Variants in SPON1 observed in about 807,000 individuals in gnomAD.
SPON1 encodes the protein spondin 1, also known as spondin-1.
SPON1 carries 52 observed loss-of-function variants against 111.7 expected under a neutral mutation model. The ratio of observed to expected loss-of-function variants is 0.47; its 90% CI spans 0.37 to 0.59. SPON1 has a LOEUF of 0.59. Ranked by LOEUF, SPON1 falls within the 20% of genes least tolerant of loss-of-function variation. The probability of loss-of-function intolerance (pLI) is 0.00; values close to 1 mark genes in which losing one functional copy is unlikely to be tolerated. For synonymous variants in SPON1, 410 were observed against 395.8 expected, an observed-to-expected ratio of 1.04 and a Z score of -0.43; for missense variants, 957 against 1,068.5, an observed-to-expected ratio of 0.90 and a Z score of 1.46.
At chr11:14,227,265 C>T (rs368129129) in intron 6 of SPON1, among the ~76,000 whole-genome samples, 16 of 152,140 alleles carry the variant, frequency 1.1e-4, no homozygotes, top group African/African-American at 3.6e-4. Context: ...ATCTACTCAG[C>T]CTCCCAAATA....
chr11:14,108,325 C>T (rs1849201123), intron 5 of SPON1, among the ~76,000 whole-genome samples: 1 of 151,898 alleles, frequency 6.6e-6, no homozygotes, highest in African/African-American at 2.4e-5. Context: ...CTAGCCTTGT[C>T]CTGCTACCCA....
Position 14,033,490 on chromosome 11 carries a change from A to G in SPON1, c.346-8031A>G, listed in dbSNP as rs182078545. On this transcript the variant is annotated intron_variant, in intron 2 of 15. Coordinates refer to ENST00000576479, the MANE Select transcript of SPON1 (RefSeq NM_006108.4). ...GAGATAATCCAGATCAGAGTTGAGG[A>G]GGGGAGTCAAGATTAGATTTAGGGA... Among the ~76,000 whole-genome samples, 112 of 152,174 alleles carry G rather than the reference A, an allele frequency of 7.4e-4. 1 individual carries two copies. The highest frequency in any genetic ancestry group is 1.9e-4 in the Non-Finnish European group (13 of 68,010).
chr11:14,124,973 A>G (rs1554926880), intron 5 of SPON1, among the ~76,000 whole-genome samples: 1 of 152,226 alleles, frequency 6.6e-6, no homozygotes, highest in East Asian at 1.9e-4. Flanking sequence ...AGGCAGGATA[A>G]TAGAAAACTG....
intron 6 of SPON1, 37 bp from the exon 7 acceptor site, chr11:14,243,295 G>A: frequency 1.9e-6 from 3 of 1,551,694 alleles, no homozygotes; most frequent in Non-Finnish European, 2.6e-6. Flanking sequence ...CATGAGCCCA[G>A]CTCTGTTCAC....
intron 3 of SPON1, among the ~76,000 whole-genome samples, chr11:14,072,057 G>T (rs1848881322): frequency 6.6e-6 from 1 of 152,188 alleles, no homozygotes; most frequent in Non-Finnish European, 1.5e-5. Context: ...GGTATTAGTG[G>T]TATATGTACA....
In SPON1 at chr11:14,172,991, G is replaced by A. The variant is rs1161398444; in HGVS notation, c.825+37423G>A. 1.1e-4 allele frequency among the ~76,000 whole-genome samples: 17 copies of A among 151,792 alleles called. No individual in the cohort carries two copies. In the Admixed American group the frequency reaches 1.1e-3, roughly 10 times the overall value. On this transcript the variant is annotated intron_variant, in intron 6 of 15. Coordinates refer to ENST00000576479, the MANE Select transcript of SPON1 (RefSeq NM_006108.4). Reference sequence around the variant, plus strand: ...GTGTCTTGGAGTTGCTCTTCTCGAGGAGCATCTTTGTGGCGTTCTCTGTAT... The same window carrying A: ...GTGTCTTGGAGTTGCTCTTCTCGAGAAGCATCTTTGTGGCGTTCTCTGTAT...
intron 6 of SPON1, among the ~76,000 whole-genome samples, chr11:14,220,351 A>G (rs1848668542): frequency 6.6e-6 from 1 of 152,202 alleles, no homozygotes; most frequent in South Asian, 2.1e-4. Flanking sequence ...TCTTGAATTC[A>G]ACTGTGAGAA....
intron 6 of SPON1, among the ~76,000 whole-genome samples, chr11:14,168,674 C>T (rs1848062479): frequency 6.7e-6 from 1 of 149,904 alleles, no homozygotes; most frequent in South Asian, 2.2e-4. Context: ...ACAACAGGCC[C>T]CGGTGTGTGA....
intron 3 of SPON1, among the ~76,000 whole-genome samples, chr11:14,067,628 A>G (rs1252243768): frequency 6.6e-6 from 1 of 152,228 alleles, no homozygotes; most frequent in Non-Finnish European, 1.5e-5. Context: ...GTGCAGCTCT[A>G]CTGCGAAGTT....
At chr11:14,261,967 C>CTT (rs1554941948) in intron 14 of SPON1, among the ~76,000 whole-genome samples, 2 of 152,214 alleles carry the variant, frequency 1.3e-5, no homozygotes, top group Non-Finnish European at 2.9e-5. Flanking sequence ...ACCACCCTGA[C>CTT]TTTGGCCTTG....
intron 5 of SPON1, among the ~76,000 whole-genome samples, chr11:14,081,464 G>C (rs142833892): frequency 3.3e-5 from 5 of 152,196 alleles, no homozygotes; most frequent in African/African-American, 7.2e-5. Flanking sequence ...AGTTTACTGG[G>C]GAGGAGAGAG....
intron 3 of SPON1, among the ~76,000 whole-genome samples, chr11:14,050,421 G>T (rs1554918393): frequency 6.6e-6 from 1 of 152,186 alleles, no homozygotes; most frequent in Non-Finnish European, 1.5e-5. Context: ...TACTGTTAGA[G>T]CTCTATCAAG....
chr11:14,019,594 A>T (rs1554914609), intron 2 of SPON1, among the ~76,000 whole-genome samples: 1 of 152,102 alleles, frequency 6.6e-6, no homozygotes, highest in Non-Finnish European at 1.5e-5. Context: ...CTTAGGAGGT[A>T]TTTGGCTATA....
intron 5 of SPON1, among the ~76,000 whole-genome samples, chr11:14,094,045 C>G (rs1554923643): frequency 6.6e-6 from 1 of 152,066 alleles, no homozygotes; most frequent in African/African-American, 2.4e-5. Context: ...AACCCTGTCT[C>G]TACTAAAAAT....
Position 14,259,254 on chromosome 11 carries a change from T to C in SPON1, c.1493-26T>C. The C allele has an allele frequency of 6.3e-7, 1 of 1,589,824 alleles. No individual in the cohort carries two copies. Among genetic ancestry groups the C allele is most frequent in the Non-Finnish European group, 8.6e-7 (1 of 1,167,876 alleles). ...AGGCGCCCCTGCCACCGTGCACTGC[T>C]GCAGCGTTCACTCGGTGTGTTGCAG... On this transcript the variant is annotated intron_variant, in intron 11 of 15. Coordinates refer to ENST00000576479, the MANE Select transcript of SPON1 (RefSeq NM_006108.4). This position sits in a 1 kb window ranked among gnomAD's most constrained non-coding sequence, Gnocchi z 5.0.
At chr11:13,982,482 C>T (rs1848151964) in intron 1 of SPON1, among the ~76,000 whole-genome samples, 1 of 152,218 alleles carries the variant, frequency 6.6e-6, no homozygotes, top group Non-Finnish European at 1.5e-5. Flanking sequence ...CTGTGAAGGA[C>T]TAGTTTTCTC....
At chr11:14,260,509 G>A (rs1235902361) in intron 13 of SPON1, 79 bp from the exon 14 acceptor site, 8 of 1,491,020 alleles carry the variant, frequency 5.4e-6, no homozygotes, top group Admixed American at 2.0e-5. Context: ...GGGACTCGGT[G>A]TGGAACACTG....
intron 6 of SPON1, among the ~76,000 whole-genome samples, chr11:14,167,248 A>G (rs1196741618): frequency 6.6e-6 from 1 of 152,152 alleles, no homozygotes; most frequent in Non-Finnish European, 1.5e-5. Context: ...CATCTAAAAT[A>G]TTAGGCTAGA....
intron 5 of SPON1, among the ~76,000 whole-genome samples, chr11:14,108,413 G>A (rs1849201740): frequency 6.6e-6 from 1 of 152,014 alleles, no homozygotes; most frequent in African/African-American, 2.4e-5. Flanking sequence ...TCATCTGATT[G>A]GCTTCCATCA....
Sources: allele counts gnomAD v4.1 joint callset (sites outside exome capture counted in the v4.1 genomes callset), GRCh38; gene constraint gnomAD v4.1.1; non-coding constraint Gnocchi (gnomAD v3.1); transcripts MANE v1.5; gene names NCBI Gene and HGNC (gene_info 2026-07-23, HGNC 2026-07-21).